The following SARS2 variants were observed in gnomAD, a reference collection of about 807,000 sequenced individuals.
SARS2 encodes serine--tRNA ligase, mitochondrial.
SARS2 carries 52 observed loss-of-function variants against 66.8 expected under a neutral mutation model. That is an observed-to-expected ratio of 0.78 (90% CI 0.62 to 0.98). The LOEUF (loss-of-function observed/expected upper bound fraction) is 0.98. SARS2 is among the 50% of genes least tolerant of loss of function. The probability of loss-of-function intolerance (pLI) is 0.00; values close to 1 mark genes in which losing one functional copy is unlikely to be tolerated. For missense variants in SARS2, 673 were observed against 706.3 expected (o/e 0.95, Z 0.53); for synonymous variants, 306 against 281.4 (o/e 1.09, Z -0.87).
At chr19:38,921,946 C>G in intron 3 of SARS2, 1 of 1,543,856 alleles carries the variant, frequency 6.5e-7, no homozygotes, top group Non-Finnish European at 8.8e-7. Context: ...AGAATCAGCC[C>G]CAGGACTTTA....
chr19:38,926,873 G>A (rs1974637088), intron 1 of SARS2, among the ~76,000 whole-genome samples: 1 of 151,744 alleles, frequency 6.6e-6, no homozygotes, highest in Admixed American at 6.6e-5. Flanking sequence ...AGGACTGCTT[G>A]AGTGAGCCCA....
In SARS2 at chr19:38,915,759, G is replaced by C; in HGVS notation, c.1414-10C>G. ...CGAGCACTGAGCCGTCCTGGGGACA[G>C]AGCAGACCTCAGGACACTGCAGATG... On this transcript the variant is annotated splice_polypyrimidine_tract_variant and intron_variant, in intron 15 of 15. Transcript: ENST00000221431. The C allele has an allele frequency of 6.2e-7, 1 of 1,613,272 alleles. No homozygotes were observed. The highest frequency in any genetic ancestry group is 8.5e-7 in the Non-Finnish European group (1 of 1,179,994).
In SARS2 at chr19:38,915,935, G is replaced by A. The variant is rs199715173; in HGVS notation, c.1348-29C>T. On this transcript the variant is annotated intron_variant, in intron 14 of 15. Transcript: ENST00000221431. Reference sequence around the variant, plus strand: ...TGAGACAGCCATGCTCGGAACTGGCGCCCACCCCAAGCTGAGCCCGGGGAG... The same window carrying A: ...TGAGACAGCCATGCTCGGAACTGGCACCCACCCCAAGCTGAGCCCGGGGAG... 204 of 1,613,254 alleles carry A rather than the reference G, an allele frequency of 1.3e-4. 1 individual carries two copies. The East Asian group carries it at 3.8e-3, about 30-fold the overall frequency.
intron 1 of SARS2, among the ~76,000 whole-genome samples, 200 bp from the exon 2 acceptor site, chr19:38,926,500 C>A (rs548719489): frequency 6.6e-6 from 1 of 152,252 alleles, no homozygotes; most frequent in South Asian, 2.1e-4. Context: ...AATTCAGACA[C>A]ACTGGCCGAG....
At chr19:38,921,317 G>A (rs1974530166) in intron 5 of SARS2, 75 bp downstream of exon 5, 1 of 1,523,054 alleles carries the variant, frequency 6.6e-7, no homozygotes, top group South Asian at 1.2e-5. Context: ...CCAGACCCCA[G>A]GGGCCCCCAC....
At chr19:38,921,070 T>TACAC (rs200809697) in intron 5 of SARS2, among the ~76,000 whole-genome samples, 3 of 68,770 alleles carry the variant, frequency 4.4e-5, no homozygotes, top group East Asian at 1.6e-3. Flanking sequence ...CACATACAGA[T>TACAC]ACAGACACAC....
At chr19:38,920,010 G>T in intron 6 of SARS2, 76 bp downstream of exon 6, 2 of 1,418,292 alleles carry the variant, frequency 1.4e-6, no homozygotes, top group Non-Finnish European at 2.0e-6. Context: ...TCACGCTGAG[G>T]CCAATGAGGC....
intron 11 of SARS2, 38 bp downstream of exon 11, chr19:38,917,883 C>T (rs1974445958): frequency 6.2e-7 from 1 of 1,609,070 alleles, no homozygotes; most frequent in African/African-American, 1.3e-5. Flanking sequence ...TTGGGGTGGC[C>T]CCCCACCCCA....
chr19:38,920,292 C>T (rs547546356), intron 5 of SARS2, 143 bp from the exon 6 acceptor site: 7 of 691,562 alleles, frequency 1.0e-5, no homozygotes, highest in East Asian at 2.8e-5. Context: ...GAAGAAGACA[C>T]GGAAAGGGAG....
chr19:38,920,395 C>G (rs1036540768), intron 5 of SARS2, among the ~76,000 whole-genome samples: 1 of 149,080 alleles, frequency 6.7e-6, no homozygotes, highest in African/African-American at 2.5e-5. Context: ...AATAAGAGGG[C>G]GCGGGGTGGG....
Position 38,930,728 on chromosome 19 carries a change from C to T in SARS2, c.9G>A (p.Ala3=). 2.5e-6 allele frequency: 4 copies of T among 1,613,362 alleles called. No individual in the cohort carries two copies. Among genetic ancestry groups the T allele is most frequent in the South Asian group, 1.1e-5 (1 of 91,066 alleles). ...AAGGCCACAAGCGCCGCGCCATGGA[C>T]GCAGCCATCTTGGACCGGGAACAAG... MA[A]SMARRLWPLL... Residue 3 remains alanine, a synonymous_variant, in exon 1 of 16, where the codon GCG becomes GCA. Transcript: ENST00000221431.
At chr19:38,927,972 G>A (rs1051357398) in intron 1 of SARS2, among the ~76,000 whole-genome samples, 3 of 152,334 alleles carry the variant, frequency 2.0e-5, no homozygotes, top group Admixed American at 2.0e-4. Flanking sequence ...GGTAGAGATT[G>A]CAGTGAGCCA....
chr19:38,926,376 T>G, intron 1 of SARS2, 76 bp from the exon 2 acceptor site: 1 of 1,390,676 alleles, frequency 7.2e-7, no homozygotes, highest in Non-Finnish European at 1.0e-6. Context: ...ACTGGCCACC[T>G]GGACCTGCGG....
At chr19:38,924,472 T>A (rs995507001) in intron 2 of SARS2, among the ~76,000 whole-genome samples, 1 of 152,148 alleles carries the variant, frequency 6.6e-6, no homozygotes, top group East Asian at 1.9e-4. Context: ...TGATCCATTG[T>A]GTTGCTTTCA....
intron 2 of SARS2, among the ~76,000 whole-genome samples, chr19:38,924,096 T>C (rs183387911): frequency 1.5e-4 from 23 of 151,046 alleles, no homozygotes; most frequent in African/African-American, 5.1e-4. Context: ...CGTGCCACTG[T>C]ACTCTGGTCT....
intron 1 of SARS2, among the ~76,000 whole-genome samples, chr19:38,928,818 T>A (rs530741454): frequency 1.3e-3 from 195 of 152,344 alleles, no homozygotes; most frequent in Non-Finnish European, 2.3e-3. Context: ...TTCACAGCAT[T>A]TACCACAGAT....
Position 38,930,579 on chromosome 19 carries a change from C to G in SARS2, c.158G>C (p.Ser53Thr), listed in dbSNP as rs757985897. The G allele has an allele frequency of 6.2e-7, 1 of 1,614,024 alleles. No individual in the cohort carries two copies. Among genetic ancestry groups the G allele is most frequent in the South Asian group, 1.1e-5 (1 of 91,086 alleles). ...CTCTATGTCCAGCTGAGGGAGTGCG[C>G]TGTAGCCCTCGCGCGCATACTCGTA... ...LLYEYAREGY[S>T]ALPQLDIERF... The change falls in exon 1 of 16, where the codon AGC becomes ACC. Residue 53 changes from serine to threonine, a missense_variant. Coordinates refer to ENST00000221431, the MANE Select transcript of SARS2 (RefSeq NM_017827.4).
chr19:38,923,307 C>T lies in SARS2; in HGVS notation c.364-1040G>A, dbSNP rs1212685323. ...GGGGATCTCGGCTCACTGCAAGCTC[C>T]GCCTCCCGGGTTCACGCCATTCTCC... On this transcript the variant is annotated intron_variant, in intron 2 of 15. Coordinates refer to ENST00000221431, the MANE Select transcript of SARS2 (RefSeq NM_017827.4). 4.6e-4 allele frequency among the ~76,000 whole-genome samples: 66 copies of T among 144,852 alleles called. 1 individual carries two copies. The highest frequency in any genetic ancestry group is 1.5e-3 in the African/African-American group (59 of 38,762).
chr19:38,915,943 C>T, intron 14 of SARS2, 37 bp from the exon 15 acceptor site: 2 of 1,613,272 alleles, frequency 1.2e-6, no homozygotes, highest in South Asian at 1.1e-5. Context: ...GCGCCCACCC[C>T]AAGCTGAGCC....
Sources: gnomAD v4.1 joint callset for allele counts (sites outside exome capture counted in the v4.1 genomes callset) on GRCh38, gnomAD v4.1.1 for gene constraint, MANE v1.5 for transcripts, NCBI Gene and HGNC (gene_info 2026-07-23, HGNC 2026-07-21) for gene names.